TRAF3IP3: variants seen among roughly 807,000 people sequenced by gnomAD.
TRAF3IP3 encodes the protein TRAF3 interacting protein 3, also known as TRAF3-interacting JNK-activating modulator.
In TRAF3IP3, 64 loss-of-function variants were observed where a neutral mutation model predicts 86.5. That is an observed-to-expected ratio of 0.74 (90% CI 0.60 to 0.91). TRAF3IP3 has a LOEUF of 0.91. Among genes scored for constraint, TRAF3IP3 ranks in the 40% least tolerant of loss-of-function variants. TRAF3IP3 has a pLI of 0.00. For synonymous variants in TRAF3IP3, 220 were observed against 243.9 expected, an observed-to-expected ratio of 0.90 and a Z score of 0.91; for missense variants, 579 against 642.9, an observed-to-expected ratio of 0.90 and a Z score of 1.07.
chr1:209,770,539 G>A (rs1311296574), intron 8 of TRAF3IP3, among the ~76,000 whole-genome samples: 1 of 149,390 alleles, frequency 6.7e-6, no homozygotes, highest in African/African-American at 2.4e-5. Context: ...GTGTGCGTGT[G>A]CAGGTGGAGG....
chr1:209,780,860 A>G (rs927921831), intron 15 of TRAF3IP3: 4 of 254,066 alleles, frequency 1.6e-5, no homozygotes, highest in Non-Finnish European at 7.4e-6. Flanking sequence ...AACACATTTA[A>G]TAAAAATATT....
chr1:209,782,004 C>G, intron 16 of TRAF3IP3, 52 bp from the exon 17 acceptor site: 1 of 1,467,788 alleles, frequency 6.8e-7, no homozygotes, highest in Non-Finnish European at 9.5e-7. Flanking sequence ...TTGCCTATAT[C>G]TTTTCCAATC....
intron 11 of TRAF3IP3, chr1:209,776,654 A>G (rs2077660640): frequency 4.6e-5 from 1 of 21,588 alleles, no homozygotes; most frequent in Non-Finnish European, 1.1e-4. Flanking sequence ...GACCCTAACC[A>G]AAAAAAAAAC....
In TRAF3IP3 at chr1:209,775,487, C is replaced by T; in HGVS notation, c.913C>T (p.Gln305Ter). Residue 305 changes from glutamine to a stop codon, truncating the protein, a stop_gained and splice_region_variant, in exon 10 of 17, where the codon CAG (glutamine) becomes TAG (stop). Coordinates refer to ENST00000367025, the MANE Select transcript of TRAF3IP3 (RefSeq NM_025228.4). LOFTEE classifies it high-confidence loss of function. Reference protein sequence around the residue: ...MNAEQQLQSTQRSLALAEQKC... With the variant: ...MNAEQQLQST ...TGCAGAGCAGCAACTACAGAGCACA[C>T]AGGTATGGGGATGCCACATAGACAT... 1.2e-6 allele frequency: 2 copies of T among 1,614,172 alleles called. No individual in the cohort carries two copies. The highest frequency in any genetic ancestry group is 2.2e-5 in the East Asian group (1 of 44,884).
intron 9 of TRAF3IP3, 59 bp from the exon 10 acceptor site, chr1:209,775,290 C>A: frequency 6.6e-7 from 1 of 1,509,874 alleles, no homozygotes; most frequent in Non-Finnish European, 9.0e-7. Flanking sequence ...TGTATCCCAG[C>A]TCAGGATTTG....
intron 12 of TRAF3IP3, 32 bp downstream of exon 12, chr1:209,777,519 G>T: frequency 6.4e-7 from 1 of 1,550,828 alleles, no homozygotes; most frequent in Non-Finnish European, 8.7e-7. Context: ...TTGAGTGCAT[G>T]GCAGCCATGG....
intron 11 of TRAF3IP3, 37 bp from the exon 12 acceptor site, chr1:209,777,315 G>T: frequency 3.2e-6 from 5 of 1,580,002 alleles, no homozygotes; most frequent in South Asian, 1.1e-5. Flanking sequence ...CCCCAACACT[G>T]ACCTCCTTCT....
intron 8 of TRAF3IP3, among the ~76,000 whole-genome samples, chr1:209,770,827 G>C (rs984614448): frequency 2.2e-5 from 3 of 137,550 alleles, no homozygotes; most frequent in African/African-American, 8.1e-5. Context: ...GTGGAGGTGT[G>C]TGTCTATATA....
Position 209,762,668 on chromosome 1 carries a change from A to G in TRAF3IP3, c.493+6A>G, listed in dbSNP as rs2077266488. The G allele has an allele frequency of 2.6e-6, 4 of 1,565,404 alleles. No individual in the cohort carries two copies. Among genetic ancestry groups the G allele is most frequent in the Non-Finnish European group, 2.6e-6 (3 of 1,156,540 alleles). ...GCCACCCAAACACCACCGTGGTAAG[A>G]GCAGAGCCTCCCTCACTCCACAGGG... On this transcript the variant is annotated splice_donor_region_variant and intron_variant, in intron 4 of 16. Coordinates refer to ENST00000367025, the MANE Select transcript of TRAF3IP3 (RefSeq NM_025228.4).
At position 209,782,248 on chromosome 1, in the gene TRAF3IP3, C is replaced by A; in HGVS notation, c.*100C>A. The A allele has an allele frequency of 2.3e-6, 2 of 875,748 alleles. No individual in the cohort carries two copies. Among genetic ancestry groups the A allele is most frequent in the Non-Finnish European group, 3.8e-6 (2 of 526,968 alleles). 54.2% of individuals were successfully genotyped at this position (875,748 alleles called of 1,614,324 possible). On this transcript the variant is annotated 3_prime_UTR_variant, in exon 17 of 17. Coordinates refer to ENST00000367025, the MANE Select transcript of TRAF3IP3 (RefSeq NM_025228.4). ...ATTACAGCTTGGGTTTTCCAACTGA[C>A]TTAGGATTTCTGACTTTTTATTAAT...
chr1:209,779,761 T>C (rs990331558), intron 14 of TRAF3IP3: 2 of 515,472 alleles, frequency 3.9e-6, no homozygotes, highest in African/African-American at 3.8e-5. Context: ...CCCTAGAGAG[T>C]CTACTGTCCA....
intron 8 of TRAF3IP3, among the ~76,000 whole-genome samples, chr1:209,766,669 G>T (rs2077362639): frequency 6.6e-6 from 1 of 152,182 alleles, no homozygotes; most frequent in Non-Finnish European, 1.5e-5. Flanking sequence ...TTCAAGACCA[G>T]CCTGGCCAAC....
At chr1:209,765,746 A>G (rs1571923975) in intron 8 of TRAF3IP3, among the ~76,000 whole-genome samples, 1 of 152,332 alleles carries the variant, frequency 6.6e-6, no homozygotes, top group East Asian at 1.9e-4. Flanking sequence ...ACTTTTGCAA[A>G]TATTTTTAAT....
intron 13 of TRAF3IP3, 64 bp downstream of exon 13, chr1:209,778,237 G>C: frequency 7.0e-7 from 1 of 1,427,276 alleles, no homozygotes; most frequent in Non-Finnish European, 9.9e-7. Flanking sequence ...CCCACAAAAG[G>C]CACCCAGAGT....
Position 209,760,113 on chromosome 1 carries a change from G to T in TRAF3IP3, c.74G>T (p.Arg25Leu), listed in dbSNP as rs372493792. ...WAESYEAKCE[R>L]RQEIRESRRC... ...GAGAGCTATGAGGCCAAGTGTGAGC[G>T]CAGGCAAGAGATCCGTGAAAGCCGC... The change falls in exon 3 of 17, where the codon CGC becomes CTC. Residue 25 changes from arginine (R) to leucine (L), a missense_variant. By Grantham distance (102) the Arg-to-Leu change is moderately radical. Transcript: ENST00000367025. 6.2e-7 allele frequency: 1 copy of T among 1,614,128 alleles called. No homozygotes were observed.
chr1:209,763,098 C>T lies in TRAF3IP3; in HGVS notation c.576+6C>T. On this transcript the variant is annotated splice_donor_region_variant and intron_variant, in intron 6 of 16. Transcript: ENST00000367025. Reference sequence around the variant, plus strand: ...GAGTTGCAGTTCTGGATAAGGTAAGCACATATTCACTTTGAAGGGGTCAAA... The same window carrying T: ...GAGTTGCAGTTCTGGATAAGGTAAGTACATATTCACTTTGAAGGGGTCAAA... 6.2e-7 allele frequency: 1 copy of T among 1,612,704 alleles called. No individual in the cohort carries two copies. The highest frequency in any genetic ancestry group is 1.1e-5 in the South Asian group (1 of 91,062).
Position 209,782,087 on chromosome 1 carries a change from T to C in TRAF3IP3, c.1595T>C (p.Met532Thr), listed in dbSNP as rs1304342066. The change falls in exon 17 of 17, where the codon ATG (methionine) becomes ACG (threonine). Residue 532 changes from methionine (M) to threonine (T), a missense_variant. Coordinates refer to ENST00000367025, the MANE Select transcript of TRAF3IP3 (RefSeq NM_025228.4). Reference protein sequence around the residue: ...RQCGRWLPVLMVVIAAALAVF... With the variant: ...RQCGRWLPVLTVVIAAALAVF... Reference sequence around the variant, plus strand: ...TGTGGGCGATGGCTCCCAGTGCTGATGGTGGTGATTGCTGCAGCACTGGCA... The same window carrying C: ...TGTGGGCGATGGCTCCCAGTGCTGACGGTGGTGATTGCTGCAGCACTGGCA... The C allele has an allele frequency of 3.1e-6, 5 of 1,614,044 alleles. No homozygotes were observed. The highest frequency in any genetic ancestry group is 2.7e-5 in the African/African-American group (2 of 74,912).
rs780103712 is a variant in TRAF3IP3 at position 209,763,407 on chromosome 1, A to C, written c.606+15A>C. On this transcript the variant is annotated intron_variant, in intron 7 of 16. Transcript: ENST00000367025. ...ATTACCTCAAAGTAAGTGGCATGTGACCCCTCCCCTCAGTTCCTCCATCCA... is the reference window on the plus strand; with the variant it reads ...ATTACCTCAAAGTAAGTGGCATGTGCCCCCTCCCCTCAGTTCCTCCATCCA... The C allele has an allele frequency of 9.3e-6, 15 of 1,613,688 alleles. No homozygotes were observed. The highest frequency in any genetic ancestry group is 1.7e-6 in the Non-Finnish European group (2 of 1,179,836).
intron 8 of TRAF3IP3, among the ~76,000 whole-genome samples, chr1:209,771,507 G>GCGTGTGCA (rs796817043): frequency 7.3e-6 from 1 of 136,224 alleles, no homozygotes. Flanking sequence ...GTGAAGGTGT[G>GCGTGTGCA]TGTGAAGGTG....
Sources: allele counts gnomAD v4.1 joint callset (sites outside exome capture counted in the v4.1 genomes callset), GRCh38; gene constraint gnomAD v4.1.1; transcripts MANE v1.5; gene names NCBI Gene and HGNC (gene_info 2026-07-23, HGNC 2026-07-21).